Variants in CASQ2 observed in about 807,000 individuals in gnomAD.
The protein encoded by CASQ2 is calsequestrin 2, also known as calsequestrin-2.
Under a neutral mutation model 46.5 loss-of-function variants are expected in CASQ2, and 49 were observed. The observed-to-expected ratio is 1.05, with a 90% CI of 0.84 to 1.34. CASQ2 has a LOEUF of 1.34. CASQ2 is among the 40% of genes most tolerant of loss of function. CASQ2 has a pLI of 0.00. For missense variants in CASQ2, 486 were observed against 481.3 expected (o/e 1.01, Z -0.09); for synonymous variants, 174 against 168.5 (o/e 1.03, Z -0.25).
At chr1:115,726,967 AG>A in intron 6 of CASQ2, 24 bp downstream of exon 6, 2 of 751,676 alleles carry the variant, frequency 2.7e-6, no homozygotes, top group Non-Finnish European at 4.5e-6. Context: ...CCAGGCCCCC[AG>A]CCCCCACATG....
intron 10 of CASQ2, among the ~76,000 whole-genome samples, chr1:115,702,525 CT>C (rs1023324452): frequency 3.9e-5 from 6 of 152,222 alleles, no homozygotes; most frequent in Non-Finnish European, 8.8e-5. Flanking sequence ...GAGTAGTTGC[CT>C]GCCTGGGATT....
intron 4 of CASQ2, among the ~76,000 whole-genome samples, chr1:115,735,449 G>A (rs1647925495): frequency 6.6e-6 from 1 of 152,194 alleles, no homozygotes; most frequent in Non-Finnish European, 1.5e-5. Context: ...GCTAGATCTT[G>A]CTAAACACCT....
chr1:115,751,434 C>T (rs912882940), intron 1 of CASQ2, among the ~76,000 whole-genome samples: 1 of 24,334 alleles, frequency 4.1e-5, no homozygotes, highest in African/African-American at 9.1e-5. Flanking sequence ...CTTTGGGAGG[C>T]GAGGCAGGCG....
chr1:115,720,653 C>T (rs1364702870), intron 7 of CASQ2, among the ~76,000 whole-genome samples: 2 of 152,164 alleles, frequency 1.3e-5, no homozygotes, highest in East Asian at 1.9e-4. Context: ...TGCAAGATTT[C>T]CCAAAGAACC....
intron 1 of CASQ2, among the ~76,000 whole-genome samples, chr1:115,754,634 A>G (rs759479532): frequency 6.6e-6 from 1 of 152,038 alleles, no homozygotes; most frequent in Non-Finnish European, 1.5e-5. Context: ...TAGGATCTCA[A>G]CCCTGACACT....
chr1:115,725,403 C>T, intron 7 of CASQ2, 105 bp downstream of exon 7: 1 of 1,287,240 alleles, frequency 7.8e-7, no homozygotes, highest in Non-Finnish European at 1.1e-6. Context: ...ACATCCACCT[C>T]AGCCAAATAA....
At chr1:115,767,931 A>G (rs1241885873) in intron 1 of CASQ2, among the ~76,000 whole-genome samples, 1 of 152,182 alleles carries the variant, frequency 6.6e-6, no homozygotes, top group African/African-American at 2.4e-5. Context: ...CAAAGTGGGC[A>G]CACTGAATGA....
chr1:115,732,832 G>T, intron 5 of CASQ2, 69 bp downstream of exon 5: 1 of 1,041,298 alleles, frequency 9.6e-7, no homozygotes, highest in Non-Finnish European at 1.5e-6. Context: ...AAGAAAGAGT[G>T]GTGAGAGTTC....
intron 1 of CASQ2, among the ~76,000 whole-genome samples, chr1:115,759,338 G>A (rs1008551076): frequency 6.6e-6 from 1 of 152,236 alleles, no homozygotes; most frequent in African/African-American, 2.4e-5. Context: ...TCAAGGGTAA[G>A]TGAGTTTTAA....
intron 1 of CASQ2, among the ~76,000 whole-genome samples, chr1:115,751,939 G>A (rs1557802773): frequency 6.6e-6 from 1 of 152,102 alleles, no homozygotes; most frequent in Admixed American, 6.5e-5. Context: ...CTTCAGCTCC[G>A]CAAAACATCA....
At chr1:115,740,257 C>G (rs1648130535) in intron 3 of CASQ2, among the ~76,000 whole-genome samples, 1 of 152,180 alleles carries the variant, frequency 6.6e-6, no homozygotes, top group African/African-American at 2.4e-5. Flanking sequence ...TGAGGCTGTG[C>G]TATGTCCATG....
intron 8 of CASQ2, among the ~76,000 whole-genome samples, chr1:115,707,085 T>A (rs377144989): frequency 6.6e-6 from 1 of 151,782 alleles, no homozygotes; most frequent in African/African-American, 2.4e-5. Context: ...GGTGGGATCA[T>A]AGCTCACAGC....
At position 115,701,229 on chromosome 1, in the gene CASQ2, T is replaced by C. The variant is rs1457543228; in HGVS notation, c.*12A>G. 2.5e-6 allele frequency: 4 copies of C among 1,613,914 alleles called. No homozygotes were observed. In the South Asian group the frequency reaches 3.3e-5, roughly 13 times the overall value. On this transcript the variant is annotated 3_prime_UTR_variant, in exon 11 of 11. Transcript: ENST00000261448. The stretch of plus-strand genomic sequence containing the variant: ...TGTGATTTTGTTTTCATCAGAATTG[T>C]TTGGAGTTGGGCTATTCATCATCAT...
At chr1:115,761,464 G>GGGA (rs1648944826) in intron 1 of CASQ2, among the ~76,000 whole-genome samples, 1 of 5,644 alleles carries the variant, frequency 1.8e-4, no homozygotes, top group Non-Finnish European at 3.1e-4. Flanking sequence ...GAAGAAGAAG[G>GGGA]AGAAGAAGAA....
chr1:115,768,444 C>T lies in CASQ2; in HGVS notation c.98G>A (p.Arg33Gln), dbSNP rs749547712. 15 of 1,613,242 alleles carry T rather than the reference C, an allele frequency of 9.3e-6. No homozygotes were observed. The highest frequency in any genetic ancestry group is 2.2e-5 in the South Asian group (2 of 91,072). Residue 33 changes from arginine (R) to glutamine (Q), a missense_variant, in exon 1 of 11, where the codon CGA (arginine) becomes CAA (glutamine). By Grantham distance (43) the Arg-to-Gln change is conservative. Transcript: ENST00000261448. ...LNFPTYDGKDRVVSLSEKNFK... is the reference protein window; with the variant it reads ...LNFPTYDGKDQVVSLSEKNFK... ...GTTCTTCTCGGAAAGACTTACCACT[C>T]GGTCCTTCCCATCATATGTGGGGAA...
intron 7 of CASQ2, among the ~76,000 whole-genome samples, chr1:115,723,593 A>C (rs1018952331): frequency 6.6e-6 from 1 of 151,930 alleles, no homozygotes. Context: ...GCTGGAGTGC[A>C]GTGGTGCAAT....
intron 8 of CASQ2, among the ~76,000 whole-genome samples, chr1:115,711,163 G>T (rs1309164459): frequency 6.6e-6 from 1 of 152,182 alleles, no homozygotes; most frequent in Non-Finnish European, 1.5e-5. Context: ...GGCACGGAAA[G>T]GGACCCTTCC....
intron 1 of CASQ2, among the ~76,000 whole-genome samples, chr1:115,760,743 T>A (rs1648908725): frequency 6.6e-6 from 1 of 152,210 alleles, no homozygotes. Context: ...ACTCCTTATG[T>A]GGTTCTAATA....
At chr1:115,734,056 G>A (rs1171742976) in intron 4 of CASQ2, among the ~76,000 whole-genome samples, 1 of 152,206 alleles carries the variant, frequency 6.6e-6, no homozygotes, top group Non-Finnish European at 1.5e-5. Flanking sequence ...AAGCACAGGT[G>A]AGAGAGGGGT....
Sources: allele counts gnomAD v4.1 joint callset (sites outside exome capture counted in the v4.1 genomes callset), GRCh38; gene constraint gnomAD v4.1.1; transcripts MANE v1.5; gene names NCBI Gene and HGNC (gene_info 2026-07-23, HGNC 2026-07-21).